Variants in NPAS3 observed in about 807,000 individuals in gnomAD.
NPAS3 encodes the protein neuronal PAS domain-containing protein 3.
Under a neutral mutation model 73.1 loss-of-function variants are expected in NPAS3, and 14 were observed. That is an observed-to-expected ratio of 0.19 (90% CI 0.13 to 0.30). The LOEUF (loss-of-function observed/expected upper bound fraction) is 0.30, where lower values mean the gene tolerates loss of function less well. NPAS3 is among the 10% of genes least tolerant of loss of function. NPAS3 has a pLI of 1.00. For synonymous variants in NPAS3, 620 were observed against 541.5 expected (o/e 1.14, Z -2.01); for missense variants, 1,096 against 1,250.0 (o/e 0.88, Z 1.86).
chr14:33,197,044 A>G (rs1184137512), intron 2 of NPAS3, among the ~76,000 whole-genome samples: 3 of 152,176 alleles, frequency 2.0e-5, no homozygotes, highest in African/African-American at 7.2e-5. Flanking sequence ...GAAGGCTGTA[A>G]TTTTGTATTG....
chr14:32,997,414 C>T (rs965984947), intron 1 of NPAS3, among the ~76,000 whole-genome samples: 14 of 152,094 alleles, frequency 9.2e-5, no homozygotes, highest in African/African-American at 2.2e-4. Context: ...TGGGAGGGAC[C>T]GGGGTGAAAT....
intron 1 of NPAS3, among the ~76,000 whole-genome samples, chr14:33,049,083 G>A (rs1469795187): frequency 6.6e-6 from 1 of 152,154 alleles, no homozygotes; most frequent in South Asian, 2.1e-4. Context: ...GTCTAGTAGT[G>A]TCTGTAGGTT....
At chr14:33,200,223 G>A (rs1020306963) in intron 2 of NPAS3, among the ~76,000 whole-genome samples, 5 of 150,636 alleles carry the variant, frequency 3.3e-5, no homozygotes, top group South Asian at 2.2e-4. Context: ...TGCAAAAACC[G>A]CAGTTACTTT....
At chr14:33,546,208 G>A (rs773226220) in intron 4 of NPAS3, among the ~76,000 whole-genome samples, 1 of 152,218 alleles carries the variant, frequency 6.6e-6, no homozygotes, top group Non-Finnish European at 1.5e-5. Context: ...ACCCTAGGCA[G>A]AGATATGAAA....
chr14:33,215,223 G>A (rs1247824351), exon 3 of NPAS3: 3 of 1,613,032 alleles, frequency 1.9e-6, no homozygotes, highest in Non-Finnish European at 2.5e-6. Context: ...GATGCTGCTC[G>A]CTCCCGCCGG....
intron 1 of NPAS3, among the ~76,000 whole-genome samples, chr14:33,052,863 A>G (rs2040757792): frequency 6.6e-6 from 1 of 151,304 alleles, no homozygotes; most frequent in African/African-American, 2.4e-5. Context: ...TTTTTTAAGG[A>G]GGTTTAATAT....
chr14:33,112,193 G>C (rs1032881723), intron 2 of NPAS3, among the ~76,000 whole-genome samples: 7 of 152,152 alleles, frequency 4.6e-5, no homozygotes, highest in African/African-American at 1.7e-4. Context: ...CCAGTAATGG[G>C]ATGGCTGGGT....
At chr14:33,111,383 T>G (rs2042887397) in intron 2 of NPAS3, among the ~76,000 whole-genome samples, 1 of 152,200 alleles carries the variant, frequency 6.6e-6, no homozygotes, top group African/African-American at 2.4e-5. Flanking sequence ...ACAGTTGCTT[T>G]ATAAGAATCC....
chr14:33,081,782 T>G (rs1467221642), intron 2 of NPAS3, among the ~76,000 whole-genome samples: 1 of 152,254 alleles, frequency 6.6e-6, no homozygotes, highest in Non-Finnish European at 1.5e-5. Context: ...GAACCACTTC[T>G]TCACAGCTCT....
At chr14:33,116,358 C>T (rs1472926127) in intron 2 of NPAS3, among the ~76,000 whole-genome samples, 1 of 151,908 alleles carries the variant, frequency 6.6e-6, no homozygotes, top group Non-Finnish European at 1.5e-5. Flanking sequence ...GCATAACTTC[C>T]CAAGAACTTC....
At chr14:33,495,170 A>G (rs2052110482) in intron 4 of NPAS3, among the ~76,000 whole-genome samples, 1 of 151,972 alleles carries the variant, frequency 6.6e-6, no homozygotes, top group African/African-American at 2.4e-5. Flanking sequence ...ATTCTGGTAC[A>G]TTGTGTCTTT....
At chr14:33,036,171 TA>T (rs1271193336) in intron 1 of NPAS3, among the ~76,000 whole-genome samples, 5 of 152,160 alleles carry the variant, frequency 3.3e-5, no homozygotes, top group Admixed American at 1.3e-4. Flanking sequence ...AATTCTGGGT[TA>T]GGGGTGGGGG....
rs11268151 is a variant in NPAS3, at chr14:33,197,237, CTGTGTG to C, written c.141-17919_141-17914del. Among the ~76,000 whole-genome samples the C allele has an allele frequency of 2.2e-4, 30 of 135,302 alleles. No individual in the cohort carries two copies. The East Asian group carries it at 2.6e-3, about 12-fold the overall frequency. The allele number at this position is 135,302 out of a possible 152,430, so 88.8% of individuals were successfully genotyped here. On this transcript the variant is annotated intron_variant, in intron 2 of 11. Transcript: ENST00000356141. ...CTGCTCTGGGATGCACTCCAGCAGG[CTGTGTG>C]TGTGTGTGTGTGTGTGTGTGTGTGT...
At chr14:33,352,548 T>C (rs969690075) in intron 3 of NPAS3, among the ~76,000 whole-genome samples, 1 of 152,222 alleles carries the variant, frequency 6.6e-6, no homozygotes, top group African/African-American at 2.4e-5. Flanking sequence ...ATGTCAGATG[T>C]CTCATCCAAG....
chr14:33,526,658 T>C (rs1366357738), intron 4 of NPAS3, among the ~76,000 whole-genome samples: 2 of 151,564 alleles, frequency 1.3e-5, no homozygotes, highest in Non-Finnish European at 2.9e-5. Flanking sequence ...ACTGAATATA[T>C]ATTAAGGTAT....
At chr14:33,098,225 T>C (rs947233326) in intron 2 of NPAS3, among the ~76,000 whole-genome samples, 1 of 152,326 alleles carries the variant, frequency 6.6e-6, no homozygotes, top group Admixed American at 6.5e-5. Context: ...CATTATCTTT[T>C]TCCCACAGCA....
intron 5 of NPAS3, among the ~76,000 whole-genome samples, chr14:33,564,344 T>G (rs973701044): frequency 6.6e-6 from 1 of 152,178 alleles, no homozygotes; most frequent in Non-Finnish European, 1.5e-5. Context: ...AAATCTCACG[T>G]AGGATTTTGG....
chr14:33,329,259 T>C (rs2043867713), intron 3 of NPAS3, among the ~76,000 whole-genome samples: 1 of 152,134 alleles, frequency 6.6e-6, no homozygotes, highest in East Asian at 1.9e-4. Flanking sequence ...CTCCCTGGCT[T>C]TCATGTAGCT....
intron 2 of NPAS3, among the ~76,000 whole-genome samples, chr14:33,186,578 C>T (rs889328025): frequency 4.6e-5 from 7 of 152,116 alleles, no homozygotes; most frequent in South Asian, 2.1e-4. Flanking sequence ...TCAATCTGAA[C>T]GCATGATTTT....
Sources: allele counts gnomAD v4.1 joint callset (sites outside exome capture counted in the v4.1 genomes callset), GRCh38; gene constraint gnomAD v4.1.1; transcripts MANE v1.5; gene names NCBI Gene and HGNC (gene_info 2026-07-23, HGNC 2026-07-21).